NEK1: variants seen among roughly 807,000 people sequenced by gnomAD.
NEK1 encodes NIMA related kinase 1, also known as serine/threonine-protein kinase Nek1.
Under a neutral mutation model 182.1 loss-of-function variants are expected in NEK1, and 137 were observed. The observed-to-expected ratio is 0.75, with a 90% CI of 0.65 to 0.87. The LOEUF (loss-of-function observed/expected upper bound fraction) is 0.87. NEK1 is among the 40% of genes least tolerant of loss of function. The pLI is 0.00. For missense variants in NEK1, 1,391 were observed against 1,494.4 expected (o/e 0.93, Z 1.14); for synonymous variants, 513 against 492.2 (o/e 1.04, Z -0.56).
In NEK1 at chr4:169,508,238, T is replaced by G. The variant is rs1753633073; in HGVS notation, c.1833+10A>C. 2 of 1,577,014 alleles carry G rather than the reference T, an allele frequency of 1.3e-6. No individual in the cohort carries two copies. The highest frequency in any genetic ancestry group is 4.6e-5 in the East Asian group (2 of 43,658). Reference sequence around the variant, plus strand: ...TTCAATTTCTTCAAAAAAATAGCTTTTCAACCTACCTTTTCACCACGAAGT... The same window carrying G: ...TTCAATTTCTTCAAAAAAATAGCTTGTCAACCTACCTTTTCACCACGAAGT... On this transcript the variant is annotated intron_variant, in intron 21 of 35. Coordinates refer to ENST00000507142, the MANE Select transcript of NEK1 (RefSeq NM_001199397.3).
intron 35 of NEK1, among the ~76,000 whole-genome samples, chr4:169,394,996 A>G (rs1730451995): frequency 6.6e-6 from 1 of 152,230 alleles, no homozygotes; most frequent in East Asian, 1.9e-4. Context: ...AAAATGTTAA[A>G]GAATAAATCA....
intron 29 of NEK1, among the ~76,000 whole-genome samples, chr4:169,433,040 C>G (rs1410753019): frequency 1.3e-5 from 2 of 151,958 alleles, no homozygotes; most frequent in African/African-American, 4.8e-5. Context: ...ACTGGGAATA[C>G]AGGTGTGAAC....
At chr4:169,515,193 G>A (rs976654405) in intron 19 of NEK1, among the ~76,000 whole-genome samples, 4 of 152,016 alleles carry the variant, frequency 2.6e-5, no homozygotes, top group African/African-American at 9.7e-5. Flanking sequence ...ATTTGTAAAG[G>A]TTTTATAATT....
intron 18 of NEK1, among the ~76,000 whole-genome samples, chr4:169,542,177 G>C (rs1282581326): frequency 6.6e-6 from 1 of 151,880 alleles, no homozygotes; most frequent in Non-Finnish European, 1.5e-5. Flanking sequence ...CCTAGCCCCC[G>C]ACCGGCCCCA....
chr4:169,537,739 T>G (rs1758735220), intron 19 of NEK1, 70 bp downstream of exon 19: 15 of 1,154,496 alleles, frequency 1.3e-5, no homozygotes, highest in Non-Finnish European at 2.0e-5. Context: ...TTACTTACAC[T>G]TACCTTATTC....
Position 169,394,473 on chromosome 4 carries a change from C to T in NEK1, c.*37G>A, listed in dbSNP as rs747841498. 2.3e-6 allele frequency: 3 copies of T among 1,292,166 alleles called. No individual in the cohort carries two copies. Among genetic ancestry groups the T allele is most frequent in the South Asian group, 2.7e-5 (2 of 73,746 alleles). 80.0% of individuals were successfully genotyped at this position (1,292,166 alleles called of 1,614,324 possible). A position where few individuals can be genotyped will look rare whatever the true frequency, so the allele number is the denominator to read the frequency against. On this transcript the variant is annotated 3_prime_UTR_variant, in exon 36 of 36. Coordinates refer to ENST00000507142, the MANE Select transcript of NEK1 (RefSeq NM_001199397.3). ...TATTCTGATAAGCCAAATTCAAATG[C>T]TTTCATATAGTTGAGGATTAAAAAA...
At chr4:169,526,568 A>T (rs1432308729) in intron 19 of NEK1, among the ~76,000 whole-genome samples, 1 of 152,228 alleles carries the variant, frequency 6.6e-6, no homozygotes, top group African/African-American at 2.4e-5. Context: ...ACTATAATTC[A>T]ACCTAAAAAC....
intron 27 of NEK1, among the ~76,000 whole-genome samples, chr4:169,450,742 G>C (rs543448485): frequency 3.9e-5 from 6 of 152,284 alleles, no homozygotes; most frequent in African/African-American, 1.2e-4. Flanking sequence ...TGAAGAAACT[G>C]CATCAATTAA....
At chr4:169,443,849 A>G (rs1042900723) in intron 27 of NEK1, among the ~76,000 whole-genome samples, 4 of 152,206 alleles carry the variant, frequency 2.6e-5, no homozygotes, top group African/African-American at 9.6e-5. Context: ...CTTATAAGAT[A>G]GGAGAAAACG....
intron 26 of NEK1, among the ~76,000 whole-genome samples, chr4:169,471,689 G>A (rs1041657445): frequency 2.0e-5 from 3 of 152,172 alleles, no homozygotes; most frequent in Non-Finnish European, 2.9e-5. Flanking sequence ...AGAGCCAGCA[G>A]GCAGGAAAGT....
chr4:169,422,959 G>T (rs1208984033), intron 31 of NEK1, among the ~76,000 whole-genome samples: 2 of 152,014 alleles, frequency 1.3e-5, no homozygotes, highest in Non-Finnish European at 2.9e-5. Flanking sequence ...ATCATAAATT[G>T]GTTTTGGTAG....
chr4:169,526,738 A>G (rs1046682624), intron 19 of NEK1, among the ~76,000 whole-genome samples: 3 of 152,178 alleles, frequency 2.0e-5, no homozygotes, highest in East Asian at 3.8e-4. Flanking sequence ...GGCTTATTTG[A>G]TATTTTAAAA....
At chr4:169,590,853 A>C (rs371612230) in intron 5 of NEK1, 44 bp from the exon 6 acceptor site, 365 of 1,271,038 alleles carry the variant, frequency 2.9e-4, no homozygotes, top group Non-Finnish European at 3.9e-4. Context: ...TTTGACCATT[A>C]AAAGAATTCA....
chr4:169,568,284 T>C (rs1242967638), intron 12 of NEK1, among the ~76,000 whole-genome samples: 1 of 152,218 alleles, frequency 6.6e-6, no homozygotes, highest in African/African-American at 2.4e-5. Flanking sequence ...GAGAATTCCA[T>C]GTGTATATAT....
chr4:169,502,874 C>G (rs1380043262), intron 23 of NEK1, among the ~76,000 whole-genome samples: 2 of 152,048 alleles, frequency 1.3e-5, no homozygotes, highest in Non-Finnish European at 2.9e-5. Flanking sequence ...CTGGCAGTCC[C>G]AGCCAGAGCA....
At chr4:169,552,518 G>C (rs1191281660) in intron 18 of NEK1, among the ~76,000 whole-genome samples, 1 of 152,028 alleles carries the variant, frequency 6.6e-6, no homozygotes, top group Admixed American at 6.5e-5. Context: ...AAGCTTTCCG[G>C]CCAACATCAG....
intron 26 of NEK1, among the ~76,000 whole-genome samples, chr4:169,472,308 A>C (rs1746139268): frequency 6.6e-6 from 1 of 152,186 alleles, no homozygotes; most frequent in Admixed American, 6.5e-5. Context: ...TGTGAAAACC[A>C]TCGGAAAAGC....
At chr4:169,450,462 C>G (rs1741497118) in intron 27 of NEK1, among the ~76,000 whole-genome samples, 2 of 152,210 alleles carry the variant, frequency 1.3e-5, no homozygotes, top group South Asian at 2.1e-4. Flanking sequence ...GGAAGCCCAT[C>G]AGACTAACAG....
At chr4:169,500,136 G>T (rs1465270256) in intron 23 of NEK1, among the ~76,000 whole-genome samples, 1 of 152,226 alleles carries the variant, frequency 6.6e-6, no homozygotes, top group African/African-American at 2.4e-5. Context: ...CCGCCTTGCA[G>T]TTTGATCTCA....
Sources: gnomAD v4.1 joint callset for allele counts (sites outside exome capture counted in the v4.1 genomes callset) on GRCh38, gnomAD v4.1.1 for gene constraint, MANE v1.5 for transcripts, NCBI Gene and HGNC (gene_info 2026-07-23, HGNC 2026-07-21) for gene names.